Variants in MALRD1 observed in about 807,000 individuals in gnomAD.
MALRD1 encodes the protein MAM and LDL-receptor class A domain-containing protein 1.
Under a neutral mutation model 242.1 loss-of-function variants are expected in MALRD1, and 247 were observed. That is an observed-to-expected ratio of 1.02 (90% CI 0.92 to 1.13). The LOEUF is 1.13. Ranked by LOEUF, MALRD1 falls within the 50% of genes most tolerant of loss-of-function variation. The pLI is 0.00. For synonymous variants in MALRD1, 995 were observed against 866.6 expected (o/e 1.15, Z -2.60); for missense variants, 2,989 against 2,533.1 (o/e 1.18, Z -3.86).
At chr10:19,483,906 A>C (rs1346833209) in intron 29 of MALRD1, among the ~76,000 whole-genome samples, 1 of 152,230 alleles carries the variant, frequency 6.6e-6, no homozygotes. Flanking sequence ...TTGAATAAAG[A>C]AAATGTACAT....
At chr10:19,048,713 T>A (rs1220257810), upstream of MALRD1, 5 of 348,256 alleles carry the variant, frequency 1.4e-5, no homozygotes, top group African/African-American at 2.1e-5. Context: ...GTTAGCTAGA[T>A]AAAGAACCAG....
intron 34 of MALRD1, among the ~76,000 whole-genome samples, chr10:19,596,287 TTATTTTA>T (rs901651104): frequency 7.2e-5 from 11 of 152,310 alleles, no homozygotes; most frequent in South Asian, 4.1e-4. Context: ...GCTTCCTTAC[TTATTTTA>T]TATTTTATAT....
intron 24 of MALRD1, among the ~76,000 whole-genome samples, chr10:19,341,454 G>A (rs12782908): frequency 3.3e-5 from 4 of 120,942 alleles, no homozygotes; most frequent in African/African-American, 9.2e-5. Flanking sequence ...ATATATATGT[G>A]TATATATATG....
intron 28 of MALRD1, 95 bp from the exon 29 acceptor site, chr10:19,450,212 A>C (rs1356905949): frequency 1.9e-6 from 2 of 1,067,582 alleles, no homozygotes; most frequent in African/African-American, 1.6e-5. Flanking sequence ...TTATTGGTCA[A>C]ATGCTTCTGA....
At chr10:19,355,842 A>ATTTTATAT (rs1259771142) in intron 26 of MALRD1, among the ~76,000 whole-genome samples, 1 of 112,288 alleles carries the variant, frequency 8.9e-6, no homozygotes, top group Non-Finnish European at 1.8e-5. Flanking sequence ...AAGAACATAT[A>ATTTTATAT]TTATATATAT....
chr10:19,297,378 G>T (rs1379388803), intron 21 of MALRD1, among the ~76,000 whole-genome samples: 1 of 151,684 alleles, frequency 6.6e-6, no homozygotes, highest in Non-Finnish European at 1.5e-5. Flanking sequence ...AAAAGAGGGA[G>T]TATATATAGA....
intron 1 of MALRD1, among the ~76,000 whole-genome samples, chr10:19,060,843 GC>G (rs1333896453): frequency 6.6e-6 from 1 of 152,154 alleles, no homozygotes; most frequent in African/African-American, 2.4e-5. Flanking sequence ...TATATCATGT[GC>G]AGCAGCACTA....
chr10:19,160,956 A>C (rs1367385375), intron 12 of MALRD1, among the ~76,000 whole-genome samples: 1 of 151,324 alleles, frequency 6.6e-6, no homozygotes, highest in African/African-American at 2.4e-5. Flanking sequence ...TTGTGTCTCT[A>C]TTTCCTTCAG....
chr10:19,118,130 G>C (rs1381543897), intron 5 of MALRD1, among the ~76,000 whole-genome samples: 1 of 152,162 alleles, frequency 6.6e-6, no homozygotes, highest in East Asian at 1.9e-4. Flanking sequence ...TGTTTAAATA[G>C]TCAGTATGGT....
In MALRD1 at chr10:19,075,619, G is replaced by T. The variant is rs1265366385; in HGVS notation, c.340+8760G>T. On this transcript the variant is annotated intron_variant, in intron 2 of 39. Coordinates refer to ENST00000454679, the MANE Select transcript of MALRD1 (RefSeq NM_001142308.3). ...TGTGTGGAATTGAATTCTTAGGGAT[G>T]CATGGAATTGAATTCTGCCAACCAC... Among the ~76,000 whole-genome samples the T allele has an allele frequency of 2.6e-5, 4 of 152,046 alleles. No homozygotes were observed. In the East Asian group the frequency reaches 7.7e-4, roughly 29 times the overall value.
chr10:19,396,125 GTTTCTTTTTTTT>G (rs1369683969), intron 28 of MALRD1, among the ~76,000 whole-genome samples: 1 of 137,936 alleles, frequency 7.2e-6, no homozygotes, highest in Admixed American at 7.6e-5. Context: ...TCATTCCTTC[GTTTCTTTTTTTT>G]TTTCTTTTTT....
At chr10:19,688,105 G>A (rs148797552) in intron 36 of MALRD1, among the ~76,000 whole-genome samples, 1,995 of 152,172 alleles carry the variant, frequency 0.013, 141 homozygotes, top group Admixed American at 0.11. Context: ...ACGTCGCTGG[G>A]ATTACAGGCA....
Position 19,121,604 on chromosome 10 carries a change from A to G in MALRD1, c.695-1888A>G, listed in dbSNP as rs560063818. ...AAATGATCTTGTAGAGAAAGAGAAC[A>G]CATCGTTGTAAATGAGAGGAGAGGA... On this transcript the variant is annotated intron_variant, in intron 5 of 39. Transcript: ENST00000454679. 2.7e-3 allele frequency among the ~76,000 whole-genome samples: 379 copies of G among 139,662 alleles called. 2 individuals carry two copies. Among genetic ancestry groups the G allele is most frequent in the African/African-American group, 0.01 (368 of 36,752 alleles). The allele number at this position is 139,662 out of a possible 152,430, so 91.6% of individuals were successfully genotyped here. A position where few individuals can be genotyped will look rare whatever the true frequency, so the allele number is the denominator to read the frequency against.
intron 29 of MALRD1, among the ~76,000 whole-genome samples, chr10:19,451,561 T>A (rs1835328887): frequency 6.6e-6 from 1 of 152,200 alleles, no homozygotes; most frequent in Non-Finnish European, 1.5e-5. Flanking sequence ...AAGATATGCC[T>A]TCTGTGGTTT....
At chr10:19,408,998 G>A (rs1210873792) in intron 28 of MALRD1, among the ~76,000 whole-genome samples, 2 of 152,168 alleles carry the variant, frequency 1.3e-5, no homozygotes, top group Non-Finnish European at 2.9e-5. Context: ...GTACACAGAT[G>A]TTTATAACAG....
chr10:19,591,000 A>T (rs2131545939), intron 33 of MALRD1, among the ~76,000 whole-genome samples: 1 of 152,288 alleles, frequency 6.6e-6, no homozygotes, highest in Non-Finnish European at 1.5e-5. Context: ...TTATAATATG[A>T]CACATACAGT....
intron 1 of MALRD1, among the ~76,000 whole-genome samples, chr10:19,053,534 C>T (rs1834571130): frequency 6.6e-6 from 1 of 152,120 alleles, no homozygotes; most frequent in Admixed American, 6.5e-5. Context: ...TGTTCAGGAC[C>T]ACTAAATGAT....
At chr10:19,514,056 A>G (rs2131296958) in intron 31 of MALRD1, among the ~76,000 whole-genome samples, 1 of 152,310 alleles carries the variant, frequency 6.6e-6, no homozygotes, top group African/African-American at 2.4e-5. Flanking sequence ...TTTTAGGCTT[A>G]CAGCTGTTTG....
intron 29 of MALRD1, among the ~76,000 whole-genome samples, chr10:19,456,502 A>G (rs1372911148): frequency 6.6e-6 from 1 of 152,088 alleles, no homozygotes; most frequent in Non-Finnish European, 1.5e-5. Flanking sequence ...CAAAACAGTG[A>G]TTGCTTTATA....
Sources: gnomAD v4.1 joint callset for allele counts (sites outside exome capture counted in the v4.1 genomes callset) on GRCh38, gnomAD v4.1.1 for gene constraint, MANE v1.5 for transcripts, NCBI Gene and HGNC (gene_info 2026-07-23, HGNC 2026-07-21) for gene names.